The following TARDBP variants were observed in gnomAD, a reference collection of about 807,000 sequenced individuals.
TARDBP encodes TAR DNA-binding protein 43.
Under a neutral mutation model 38.3 loss-of-function variants are expected in TARDBP, and 4 were observed. The observed-to-expected ratio is 0.10, with a 90% CI of 0.05 to 0.24. The LOEUF (loss-of-function observed/expected upper bound fraction) is 0.24. TARDBP is among the 10% of genes least tolerant of loss of function. TARDBP has a pLI of 1.00. For synonymous variants in TARDBP, 184 were observed against 183.8 expected, an observed-to-expected ratio of 1.00 and a Z score of -0.01; for missense variants, 202 against 521.9, an observed-to-expected ratio of 0.39 and a Z score of 5.97.
chr1:11,020,669 A>C lies in TARDBP; in HGVS notation c.714+70A>C. On this transcript the variant is annotated intron_variant, in intron 5 of 5. Transcript: ENST00000240185. Reference sequence around the variant, plus strand: ...CATGCTTACAATCCCAGCACTTTGGAGGCCGAGGCGGGTGGATCACGAGGT... The same window carrying C: ...CATGCTTACAATCCCAGCACTTTGGCGGCCGAGGCGGGTGGATCACGAGGT... The C allele has an allele frequency of 2.7e-6, 3 of 1,117,966 alleles. No homozygotes were observed. In the South Asian group the frequency reaches 4.1e-5, roughly 15 times the overall value. The allele number at this position is 1,117,966 out of a possible 1,614,324, so 69.3% of individuals were successfully genotyped here.
chr1:11,019,956 C>T (rs1434917758), intron 4 of TARDBP, among the ~76,000 whole-genome samples: 3 of 151,404 alleles, frequency 2.0e-5, no homozygotes, highest in Non-Finnish European at 2.9e-5. Context: ...CCTCCTCTTC[C>T]GGGTTCAAGT....
At chr1:11,027,018 TCACTATCTAGAAA>T (rs767182371), downstream of TARDBP, 1 of 1,598,934 alleles carries the variant, frequency 6.3e-7, no homozygotes, top group South Asian at 1.1e-5. Context: ...CCTCTCTGTT[TCACTATCTAGAAA>T]CACCAGTGCC....
downstream of TARDBP, chr1:11,027,256 T>C (rs1410086939): frequency 2.5e-6 from 4 of 1,614,098 alleles, no homozygotes; most frequent in Non-Finnish European, 3.4e-6. Flanking sequence ...ATGTCATCTG[T>C]CCTCATAAAG....
rs778834503 is a variant in TARDBP at position 11,023,320 on chromosome 1, G to A, written c.*666G>A. 1.4e-4 allele frequency: 204 copies of A among 1,482,480 alleles called. No homozygotes were observed. Among genetic ancestry groups the A allele is most frequent in the Non-Finnish European group, 1.6e-4 (173 of 1,087,002 alleles). 91.8% of individuals were successfully genotyped at this position (1,482,480 alleles called of 1,614,324 possible). A position where few individuals can be genotyped will look rare whatever the true frequency, so the allele number is the denominator to read the frequency against. On this transcript the variant is annotated 3_prime_UTR_variant, in exon 6 of 6. Coordinates refer to ENST00000240185, the MANE Select transcript of TARDBP (RefSeq NM_007375.4). ...TTCGTCATCACGCATCACAGGCCGC[G>A]TCTTTGACGGTGGGTGTCCCATTTT...
downstream of TARDBP, chr1:11,025,618 A>C (rs1042531213): frequency 6.6e-6 from 1 of 152,218 alleles, no homozygotes; most frequent in African/African-American, 2.4e-5. Context: ...ATTGAGTCTC[A>C]AGAAGTTGTA....
At chr1:11,018,438 C>T in intron 3 of TARDBP, 1 of 418,306 alleles carries the variant, frequency 2.4e-6, no homozygotes, top group Non-Finnish European at 4.5e-6. Context: ...ATCCACCCTC[C>T]TCAGCATCCC....
chr1:11,019,817 C>A (rs184818846), intron 4 of TARDBP, among the ~76,000 whole-genome samples: 492 of 151,482 alleles, frequency 3.2e-3, no homozygotes, highest in Admixed American at 7.0e-3. Context: ...CCGCCCATCT[C>A]GGGCTCCCAA....
chr1:11,027,183 A>G, downstream of TARDBP: 1 of 1,614,202 alleles, frequency 6.2e-7, no homozygotes, highest in Non-Finnish European at 8.5e-7. Flanking sequence ...CGGTATGTCG[A>G]CATACATTAG....
chr1:11,027,129 G>T (rs752001516), downstream of TARDBP: 2 of 1,612,618 alleles, frequency 1.2e-6, no homozygotes, highest in Admixed American at 3.3e-5. Flanking sequence ...CCTTGGATAG[G>T]GTGGCTTTTC....
intron 2 of TARDBP, among the ~76,000 whole-genome samples, chr1:11,014,651 C>CT (rs1465468274): frequency 6.6e-6 from 1 of 152,110 alleles, no homozygotes; most frequent in East Asian, 1.9e-4. Flanking sequence ...TCTAGGAAAA[C>CT]TTTAGGGCTA....
chr1:11,021,407 C>T (rs1275715028), intron 5 of TARDBP, among the ~76,000 whole-genome samples: 2 of 152,262 alleles, frequency 1.3e-5, no homozygotes, highest in South Asian at 2.1e-4. Context: ...TCCCAAAGTG[C>T]TGGGATTACA....
Position 11,016,921 on chromosome 1 carries a change from T to C in TARDBP, c.316T>C (p.Leu106=). Residue 106 remains leucine, a synonymous_variant, in exon 3 of 6, where the codon TTA becomes CTA. Transcript: ENST00000240185. Reference sequence around the variant, plus strand: ...AAGAGCAGTCCAGAAAACATCCGATTTAATAGTGTTGGGTCTCCCATGGAA... The same window carrying C: ...AAGAGCAGTCCAGAAAACATCCGATCTAATAGTGTTGGGTCTCCCATGGAA... The part of the protein sequence containing the change: ...VKRAVQKTSD[L]IVLGLPWKTT... 1 of 1,614,200 alleles carries C rather than the reference T, an allele frequency of 6.2e-7. No homozygotes were observed. The highest frequency in any genetic ancestry group is 8.5e-7 in the Non-Finnish European group (1 of 1,180,034).
intron 5 of TARDBP, among the ~76,000 whole-genome samples, chr1:11,020,952 T>C (rs1643625378): frequency 6.6e-6 from 1 of 152,158 alleles, no homozygotes; most frequent in Non-Finnish European, 1.5e-5. Context: ...GTAATTTCTC[T>C]TGAACATTGC....
Position 11,022,414 on chromosome 1 carries a change from T to C in TARDBP, c.1005T>C (p.Gly335=). The C allele has an allele frequency of 6.2e-7, 1 of 1,613,906 alleles. No individual in the cohort carries two copies. Among genetic ancestry groups the C allele is most frequent in the Middle Eastern group, 1.7e-4 (1 of 6,054 alleles). ...AGGCAGCACTACAGAGCAGTTGGGG[T>C]ATGATGGGCATGTTAGCCAGCCAGC... ...AAQAALQSSW[G]MMGMLASQQN... Residue 335 remains glycine (G), a synonymous_variant, in exon 6 of 6, where the codon GGT becomes GGC. Transcript: ENST00000240185. This position sits in a 1 kb window ranked among gnomAD's most constrained non-coding sequence, Gnocchi z 4.5.
rs1433043041 is a variant in TARDBP at position 11,022,239 on chromosome 1, G to C, written c.830G>C (p.Gly277Ala). The C allele has an allele frequency of 6.2e-7, 1 of 1,613,992 alleles. No individual in the cohort carries two copies. Among genetic ancestry groups the C allele is most frequent in the Non-Finnish European group, 8.5e-7 (1 of 1,179,872 alleles). Residue 277 changes from glycine (G) to alanine (A), a missense_variant, in exon 6 of 6, where the codon GGT (glycine) becomes GCT (alanine). By Grantham distance (60) the Gly-to-Ala change is moderately conservative (BLOSUM62 0). This residue lies in a region of TARDBP where 107 missense variants were observed against 190.5 expected (regional missense o/e 0.56). Coordinates refer to ENST00000240185, the MANE Select transcript of TARDBP (RefSeq NM_007375.4). This position sits in a 1 kb window ranked among gnomAD's most constrained non-coding sequence, Gnocchi z 4.5. Reference sequence around the variant, plus strand: ...CAGTTAGAAAGAAGTGGAAGATTTGGTGGTAATCCAGGTGGCTTTGGGAAT... The same window carrying C: ...CAGTTAGAAAGAAGTGGAAGATTTGCTGGTAATCCAGGTGGCTTTGGGAAT... ...NRQLERSGRF[G>A]GNPGGFGNQG... is the part of the protein sequence containing the mutation.
downstream of TARDBP, chr1:11,027,697 G>T (rs777536739): frequency 6.6e-6 from 10 of 1,524,582 alleles, 1 homozygote; most frequent in South Asian, 9.1e-5. Flanking sequence ...AATGTCAATC[G>T]TGTTTTTCTT....
At chr1:11,030,235 TCA>T (rs761591754), downstream of TARDBP, 7 of 1,613,346 alleles carry the variant, frequency 4.3e-6, no homozygotes, top group East Asian at 2.2e-5. Context: ...TCCATCAGCC[TCA>T]CACACATATT....
chr1:11,022,201 C>T lies in TARDBP; in HGVS notation c.792C>T (p.His264=), dbSNP rs528733699. 506 of 1,613,912 alleles carry T rather than the reference C, an allele frequency of 3.1e-4. 4 individuals are homozygous for T. In the South Asian group the frequency reaches 5.3e-3, roughly 17 times the overall value. Reference sequence around the variant, plus strand: ...ATATATCCAATGCCGAACCTAAGCACAATAGCAATAGACAGTTAGAAAGAA... The same window carrying T: ...ATATATCCAATGCCGAACCTAAGCATAATAGCAATAGACAGTTAGAAAGAA... ...SVHISNAEPK[H]NSNRQLERSG... is the part of the protein sequence containing the mutation. The change falls in exon 6 of 6, where the codon CAC becomes CAT. Residue 264 remains histidine (H), a synonymous_variant. Coordinates refer to ENST00000240185, the MANE Select transcript of TARDBP (RefSeq NM_007375.4). The surrounding 1 kb of genome is among the most constrained non-coding windows in gnomAD (Gnocchi z 4.5).
chr1:11,019,318 T>C (rs1176713414), intron 4 of TARDBP: 1 of 307,768 alleles, frequency 3.2e-6, no homozygotes, highest in Non-Finnish European at 6.2e-6. Flanking sequence ...AACACAGTCA[T>C]GTATCACATG....
Sources: allele counts gnomAD v4.1 joint callset (sites outside exome capture counted in the v4.1 genomes callset), GRCh38; gene constraint gnomAD v4.1.1; regional missense constraint gnomAD v4.1.1; non-coding constraint Gnocchi (gnomAD v3.1); transcripts MANE v1.5; gene names NCBI Gene and HGNC (gene_info 2026-07-23, HGNC 2026-07-21).